Variants in VPS13B observed in about 807,000 individuals in gnomAD.
VPS13B encodes vacuolar protein sorting 13 homolog B, also known as intermembrane lipid transfer protein VPS13B.
A neutral mutation model predicts 426.4 loss-of-function variants in VPS13B; 285 were observed. That is an observed-to-expected ratio of 0.67 (90% CI 0.61 to 0.74). The LOEUF (loss-of-function observed/expected upper bound fraction) is 0.74, where lower values mean the gene tolerates loss of function less well. VPS13B is among the 30% of genes least tolerant of loss of function. The probability of loss-of-function intolerance (pLI) is 0.00; values close to 1 mark genes in which losing one functional copy is unlikely to be tolerated. For missense variants in VPS13B, 4,537 were observed against 4,782.6 expected, an observed-to-expected ratio of 0.95 and a Z score of 1.51; for synonymous variants, 1,676 against 1,676.4, an observed-to-expected ratio of 1.00 and a Z score of 0.01.
intron 3 of VPS13B, among the ~76,000 whole-genome samples, chr8:99,048,151 A>T (rs1400416776): frequency 6.6e-6 from 1 of 152,206 alleles, no homozygotes; most frequent in Non-Finnish European, 1.5e-5. Flanking sequence ...ATGTATTTGC[A>T]TGGTTTTGAA....
intron 31 of VPS13B, among the ~76,000 whole-genome samples, chr8:99,570,061 C>T (rs1328494736): frequency 6.6e-6 from 1 of 152,116 alleles, no homozygotes; most frequent in East Asian, 1.9e-4. Flanking sequence ...TTCTACAGCT[C>T]CTATAACCCT....
chr8:99,507,032 G>C (rs1821536508), intron 27 of VPS13B, 105 bp from the exon 28 acceptor site: 1 of 1,187,522 alleles, frequency 8.4e-7, no homozygotes, highest in African/African-American at 1.5e-5. Context: ...TTTTAGTTCA[G>C]TGCAGTGTTG....
chr8:99,256,004 G>A (rs759114115), intron 17 of VPS13B, among the ~76,000 whole-genome samples: 16 of 152,272 alleles, frequency 1.1e-4, no homozygotes, highest in Admixed American at 3.9e-4. Context: ...GTTGGTAGTG[G>A]CAGGACCACC....
At chr8:99,614,187 T>C (rs890975777) in intron 33 of VPS13B, 1 of 152,160 alleles carries the variant, frequency 6.6e-6, no homozygotes, top group Admixed American at 6.5e-5. Flanking sequence ...TGGCAGATTA[T>C]GTAGGCTACT....
intron 2 of VPS13B, among the ~76,000 whole-genome samples, chr8:99,014,271 C>G (rs2132127837): frequency 6.6e-6 from 1 of 151,688 alleles, no homozygotes; most frequent in East Asian, 1.9e-4. Context: ...GCGCGCACCA[C>G]CACGCCTGGC....
intron 21 of VPS13B, among the ~76,000 whole-genome samples, chr8:99,422,536 C>A (rs1389548031): frequency 6.6e-6 from 1 of 152,006 alleles, no homozygotes; most frequent in African/African-American, 2.4e-5. Context: ...CTTTGCTATT[C>A]ATGGTTTCAA....
intron 35 of VPS13B, among the ~76,000 whole-genome samples, chr8:99,672,549 T>A (rs1412093335): frequency 6.6e-6 from 1 of 152,140 alleles, no homozygotes; most frequent in Non-Finnish European, 1.5e-5. Context: ...TTTAAGGTTT[T>A]CTATATATAA....
In VPS13B at chr8:99,174,238, A is replaced by ATTGTG; in HGVS notation, c.2333+4075_2333+4076insTTGTG. Among the ~76,000 whole-genome samples, 5 of 152,306 alleles carry ATTGTG rather than the reference A, an allele frequency of 3.3e-5. 1 individual carries two copies. Among genetic ancestry groups the ATTGTG allele is most frequent in the African/African-American group, 1.2e-4 (5 of 41,572 alleles). On this transcript the variant is annotated intron_variant, in intron 16 of 61. Coordinates refer to ENST00000357162, the MANE Select transcript of VPS13B (RefSeq NM_152564.5). Reference sequence around the variant, plus strand: ...TTGTTTATCCATTTATCCATTGACAAATACCTCTCACCTTTTAGCTATTGT... The same window carrying ATTGTG: ...TTGTTTATCCATTTATCCATTGACAATTGTGATACCTCTCACCTTTTAGCTATTGT...
At chr8:99,780,286 T>C (rs530393337) in intron 42 of VPS13B, among the ~76,000 whole-genome samples, 2 of 152,242 alleles carry the variant, frequency 1.3e-5, no homozygotes, top group African/African-American at 4.8e-5. Flanking sequence ...AAAACAAACC[T>C]AGAAAATATA....
chr8:99,102,767 C>T (rs960813246), intron 4 of VPS13B, among the ~76,000 whole-genome samples, 186 bp from the exon 5 acceptor site: 1 of 152,062 alleles, frequency 6.6e-6, no homozygotes, highest in South Asian at 2.1e-4. Flanking sequence ...TTGTTGGGGT[C>T]GATCTGCTAC....
At chr8:99,661,556 G>GGATCTGTTAC in intron 35 of VPS13B, 65 bp downstream of exon 35, 1 of 1,560,972 alleles carries the variant, frequency 6.4e-7, no homozygotes, top group East Asian at 2.3e-5. Context: ...CATGTATATA[G>GGATCTGTTAC]GATCTGTTAG....
At chr8:99,603,775 G>A (rs907460430) in intron 33 of VPS13B, among the ~76,000 whole-genome samples, 1 of 152,168 alleles carries the variant, frequency 6.6e-6, no homozygotes, top group Admixed American at 6.5e-5. Flanking sequence ...ATGGATGAGA[G>A]AGGACAATGG....
intron 59 of VPS13B, 147 bp downstream of exon 59, chr8:99,868,612 AT>A: frequency 1.1e-6 from 1 of 929,120 alleles, no homozygotes; most frequent in Non-Finnish European, 1.6e-6. Flanking sequence ...ACAGAGTAGA[AT>A]TTTACTACTA....
At chr8:99,656,337 G>T (rs1454567503) in intron 34 of VPS13B, among the ~76,000 whole-genome samples, 1 of 152,164 alleles carries the variant, frequency 6.6e-6, no homozygotes, top group East Asian at 1.9e-4. Context: ...TTGGCATAGG[G>T]ACAGGAGCGT....
chr8:99,540,149 G>A (rs1337392263), intron 30 of VPS13B, among the ~76,000 whole-genome samples: 8 of 127,598 alleles, frequency 6.3e-5, no homozygotes, highest in Admixed American at 8.9e-5. Context: ...GTGCGATCTC[G>A]ACTCACTGCA....
chr8:99,497,269 TATATATTTATATATACATAAAAATGC>T (rs1333123771), intron 25 of VPS13B, among the ~76,000 whole-genome samples: 32 of 144,100 alleles, frequency 2.2e-4, no homozygotes, highest in African/African-American at 8.1e-4. Flanking sequence ...ATCATATATG[TATATATTTATATATACATAAAAATGC>T]ATATATACAT....
chr8:99,431,462 T>G, intron 21 of VPS13B, 75 bp from the exon 22 acceptor site: 1 of 1,547,370 alleles, frequency 6.5e-7, no homozygotes. Context: ...GAAACAATCT[T>G]GAAAATACGT....
chr8:99,129,910 G>T (rs1054876526), intron 8 of VPS13B, among the ~76,000 whole-genome samples: 1 of 152,072 alleles, frequency 6.6e-6, no homozygotes, highest in Non-Finnish European at 1.5e-5. Flanking sequence ...TAACTACTCC[G>T]GAAGCTGAAG....
chr8:99,298,064 C>T (rs1411399716), intron 19 of VPS13B, among the ~76,000 whole-genome samples: 1 of 151,960 alleles, frequency 6.6e-6, no homozygotes, highest in Non-Finnish European at 1.5e-5. Flanking sequence ...ATTATTTTGC[C>T]CTTGATAAAC....
Sources: gnomAD v4.1 joint callset for allele counts (sites outside exome capture counted in the v4.1 genomes callset) on GRCh38, gnomAD v4.1.1 for gene constraint, MANE v1.5 for transcripts, NCBI Gene and HGNC (gene_info 2026-07-23, HGNC 2026-07-21) for gene names.